The following HSDL2 variants were observed in gnomAD, a reference collection of about 807,000 sequenced individuals.
HSDL2 encodes hydroxysteroid dehydrogenase-like protein 2.
A neutral mutation model predicts 46.3 loss-of-function variants in HSDL2; 27 were observed. That is an observed-to-expected ratio of 0.58 (90% CI 0.43 to 0.80). The LOEUF (loss-of-function observed/expected upper bound fraction) is 0.80, where lower values mean the gene tolerates loss of function less well. Among genes scored for constraint, HSDL2 ranks in the 30% least tolerant of loss-of-function variants. HSDL2 has a pLI of 0.00. For missense variants in HSDL2, 451 were observed against 502.7 expected (o/e 0.90, Z 0.98); for synonymous variants, 153 against 163.6 (o/e 0.94, Z 0.50).
chr9:112,406,904 T>C (rs1831743600), intron 3 of HSDL2, among the ~76,000 whole-genome samples: 1 of 152,184 alleles, frequency 6.6e-6, no homozygotes, highest in Non-Finnish European at 1.5e-5. Context: ...CATGGTATTA[T>C]AGTAGGGCAC....
chr9:112,403,597 A>G (rs575511720), intron 1 of HSDL2, among the ~76,000 whole-genome samples: 184 of 152,314 alleles, frequency 1.2e-3, no homozygotes, highest in East Asian at 1.7e-3. Context: ...TTTGAAAAAT[A>G]TTAAAGAATA....
Position 112,383,605 on chromosome 9 carries a change from C to T in HSDL2, c.17+3425C>T, listed in dbSNP as rs185028018. Among the ~76,000 whole-genome samples the T allele has an allele frequency of 1.9e-4, 29 of 152,230 alleles. No individual in the cohort carries two copies. The South Asian group carries it at 5.2e-3, about 27-fold the overall frequency. On this transcript the variant is annotated intron_variant, in intron 1 of 10. Coordinates refer to ENST00000398805, the MANE Select transcript of HSDL2 (RefSeq NM_032303.5). ...TTTTCTCTTCTGCTCGAAATTCTAC[C>T]TCTGTTGTATATTAAATTCTTGCAC...
intron 7 of HSDL2, 126 bp downstream of exon 7, chr9:112,438,751 C>A: frequency 5.1e-6 from 3 of 589,502 alleles, no homozygotes; most frequent in South Asian, 5.8e-5. Context: ...AGCTGTCTTC[C>A]CAATGAAGGA....
chr9:112,428,870 C>T (rs147878314), intron 6 of HSDL2, among the ~76,000 whole-genome samples: 49 of 152,074 alleles, frequency 3.2e-4, no homozygotes, highest in African/African-American at 1.1e-3. Context: ...TATTATTTTC[C>T]CTCTTTGTAC....
intron 10 of HSDL2, among the ~76,000 whole-genome samples, chr9:112,467,833 ACCTGAAGCTCATTAAG>A (rs942030140): frequency 1.3e-5 from 2 of 152,064 alleles, no homozygotes; most frequent in African/African-American, 4.8e-5. Context: ...TATAATCTAG[ACCTGAAGCTCATTAAG>A]CCTGCTACAC....
intron 1 of HSDL2, among the ~76,000 whole-genome samples, chr9:112,380,825 C>T (rs1317995899): frequency 1.3e-5 from 2 of 152,114 alleles, no homozygotes; most frequent in Non-Finnish European, 2.9e-5. Flanking sequence ...ATCCATGAAA[C>T]AACTCCTCTT....
At chr9:112,448,907 G>T (rs1181259282) in intron 8 of HSDL2, among the ~76,000 whole-genome samples, 1 of 151,482 alleles carries the variant, frequency 6.6e-6, no homozygotes, top group Admixed American at 6.6e-5. Flanking sequence ...AAGTCATTTG[G>T]GTCTTTTCTG....
rs1415601108 is a variant in HSDL2, at chr9:112,471,307, ATTTC to A, written c.*767_*770del. On this transcript the variant is annotated 3_prime_UTR_variant, in exon 11 of 11. Transcript: ENST00000398805. The stretch of plus-strand genomic sequence containing the variant: ...TTCATTTGTTGAGGTCCTAACTCCC[ATTTC>A]TTTTGAATGTGACTGTTCGGAGATG... 1.3e-5 allele frequency: 2 copies of A among 152,158 alleles called. No homozygotes were observed. The highest frequency in any genetic ancestry group is 2.9e-5 in the Non-Finnish European group (2 of 68,034). 9.4% of individuals were successfully genotyped at this position (152,158 alleles called of 1,614,324 possible).
chr9:112,436,561 A>G (rs1177318746), intron 6 of HSDL2, among the ~76,000 whole-genome samples: 2 of 152,280 alleles, frequency 1.3e-5, no homozygotes, highest in African/African-American at 4.8e-5. Context: ...AAGTTATTCT[A>G]GTATGTAATA....
intron 6 of HSDL2, among the ~76,000 whole-genome samples, chr9:112,435,736 T>C (rs1220655257): frequency 1.3e-5 from 2 of 152,068 alleles, no homozygotes. Flanking sequence ...TTAATTTTTC[T>C]GTTTTTTTGA....
intron 8 of HSDL2, among the ~76,000 whole-genome samples, chr9:112,449,086 T>G (rs1461228262): frequency 8.0e-5 from 12 of 150,744 alleles, no homozygotes; most frequent in Non-Finnish European, 1.5e-4. Context: ...CTCTGTTTTT[T>G]TTTTTTTTTT....
At chr9:112,455,889 A>G (rs1188238304) in intron 9 of HSDL2, among the ~76,000 whole-genome samples, 1 of 152,144 alleles carries the variant, frequency 6.6e-6, no homozygotes, top group Non-Finnish European at 1.5e-5. Context: ...CCCTCTTAGT[A>G]GAATGGAGCT....
At chr9:112,440,793 A>C (rs1177933560) in intron 7 of HSDL2, among the ~76,000 whole-genome samples, 2 of 152,080 alleles carry the variant, frequency 1.3e-5, no homozygotes, top group African/African-American at 4.8e-5. Context: ...TGGATATCCT[A>C]GGTCAGGAGT....
chr9:112,461,807 A>G (rs1833217591), intron 10 of HSDL2, among the ~76,000 whole-genome samples: 1 of 152,204 alleles, frequency 6.6e-6, no homozygotes, highest in South Asian at 2.1e-4. Context: ...CTGCCCTCCA[A>G]AGGTGAAGAA....
chr9:112,398,322 A>C lies in HSDL2; in HGVS notation c.18-5673A>C, dbSNP rs141188251. 8.3e-4 allele frequency among the ~76,000 whole-genome samples: 126 copies of C among 151,988 alleles called. 1 individual carries two copies. Among genetic ancestry groups the C allele is most frequent in the South Asian group, 4.6e-3 (22 of 4,798 alleles). On this transcript the variant is annotated intron_variant, in intron 1 of 10. Transcript: ENST00000398805. ...GGGAGGGCCTGCAGAATTACAGGTA[A>C]ATTGTAGTTTGGTTCCGGAGCCATC...
intron 1 of HSDL2, 128 bp downstream of exon 1, chr9:112,380,308 T>A (rs1831054359): frequency 2.4e-6 from 2 of 846,164 alleles, no homozygotes; most frequent in Non-Finnish European, 3.6e-6. Context: ...CTGGGCACGC[T>A]CTGAGCTCTG....
chr9:112,380,457 A>G (rs1831058477), intron 1 of HSDL2, among the ~76,000 whole-genome samples: 1 of 152,144 alleles, frequency 6.6e-6, no homozygotes, highest in African/African-American at 2.4e-5. Context: ...CGCCGCCCCC[A>G]GTGCCGGCCC....
chr9:112,432,402 GTTTGC>G (rs1319384852), intron 6 of HSDL2, among the ~76,000 whole-genome samples: 9 of 152,208 alleles, frequency 5.9e-5, no homozygotes, highest in African/African-American at 2.2e-4. Context: ...TAGGGACAGT[GTTTGC>G]TTTGTTTGTT....
At chr9:112,413,626 G>A (rs988257587) in intron 4 of HSDL2, among the ~76,000 whole-genome samples, 18 of 151,706 alleles carry the variant, frequency 1.2e-4, no homozygotes, top group African/African-American at 4.4e-4. Context: ...GTATTACATT[G>A]TTTGTATCAT....
Sources: allele counts gnomAD v4.1 joint callset (sites outside exome capture counted in the v4.1 genomes callset), GRCh38; gene constraint gnomAD v4.1.1; transcripts MANE v1.5; gene names NCBI Gene and HGNC (gene_info 2026-07-23, HGNC 2026-07-21).